Variants in NR1I3 observed in about 807,000 individuals in gnomAD.
NR1I3 encodes constitutive activator of retinoid response.
A neutral mutation model predicts 38.4 loss-of-function variants in NR1I3; 30 were observed. That is an observed-to-expected ratio of 0.78 (90% confidence interval 0.58 to 1.06). NR1I3 has a LOEUF of 1.06. Among genes scored for constraint, NR1I3 ranks in the 50% least tolerant of loss-of-function variants. The pLI, the probability that NR1I3 is intolerant of heterozygous loss-of-function variation, is 0.00. For missense variants in NR1I3, 388 were observed against 435.7 expected (o/e 0.89, Z 0.97); for synonymous variants, 143 against 165.1 (o/e 0.87, Z 1.03).
chr1:161,232,814 C>T lies in NR1I3; in HGVS notation c.541G>A (p.Val181Ile), dbSNP rs143067018. Residue 181 changes from valine (V) to isoleucine (I), a missense_variant, in exon 5 of 9, where the codon GTC becomes ATC. Val to Ile is a conservative substitution (Grantham distance 29). Transcript: ENST00000367983. Reference sequence around the variant, plus strand: ...TGAGGGGAGGTCACTCACCGGAAGACGGGCAGGTCCTTAGTAAACTTGATG... The same window carrying T: ...TGAGGGGAGGTCACTCACCGGAAGATGGGCAGGTCCTTAGTAAACTTGATG... ...QVIKFTKDLPVFRSLPIEDQI... is the reference protein window; with the variant it reads ...QVIKFTKDLPIFRSLPIEDQI... The T allele has an allele frequency of 5.2e-5, 84 of 1,614,046 alleles. 1 individual carries two copies. The highest frequency in any genetic ancestry group is 4.0e-4 in the African/African-American group (30 of 74,942).
At chr1:161,234,096 A>C (rs1410205486) in intron 3 of NR1I3, among the ~76,000 whole-genome samples, 1 of 151,382 alleles carries the variant, frequency 6.6e-6, no homozygotes, top group East Asian at 1.9e-4. Flanking sequence ...GGTTCAAGCA[A>C]TTCTCCCTGC....
chr1:161,236,086 G>A, intron 2 of NR1I3, 109 bp from the exon 3 acceptor site: 1 of 1,331,130 alleles, frequency 7.5e-7, no homozygotes, highest in Non-Finnish European at 1.0e-6. Context: ...ACTAATCTGA[G>A]CTGTGCCCAA....
At position 161,235,768 on chromosome 1, in the gene NR1I3, T is replaced by C. The variant is rs1055217728; in HGVS notation, c.238+79A>G. 6 of 1,580,230 alleles carry C rather than the reference T, an allele frequency of 3.8e-6. No homozygotes were observed. In the African/African-American group the frequency reaches 8.1e-5, roughly 21 times the overall value. ...TTCAAAAAGAGTACTGTGCCTGCTA[T>C]GTAGAGAATGCACTGTTGGGAACAA... On this transcript the variant is annotated intron_variant, in intron 3 of 8. Transcript: ENST00000367983.
rs1558127016 is a variant in NR1I3, at chr1:161,236,598, C to T, written c.-33G>A. The T allele has an allele frequency of 6.2e-7, 1 of 1,613,278 alleles. No individual in the cohort carries two copies. Among genetic ancestry groups the T allele is most frequent in the East Asian group, 2.2e-5 (1 of 44,874 alleles). On this transcript the variant is annotated splice_region_variant and 5_prime_UTR_variant, in exon 2 of 9. Transcript: ENST00000367983. Reference sequence around the variant, plus strand: ...CGTGTTGGGGTGGCTGTCACAGACTCCTGAATGTAGGAGGGGTCAGCAGTC... The same window carrying T: ...CGTGTTGGGGTGGCTGTCACAGACTTCTGAATGTAGGAGGGGTCAGCAGTC...
chr1:161,236,240 C>T (rs1668585706), intron 2 of NR1I3: 2 of 655,582 alleles, frequency 3.1e-6, no homozygotes, highest in South Asian at 3.9e-5. Flanking sequence ...GACTAATGGG[C>T]TGTGTCCATC....
At chr1:161,235,256 G>GTTTCTTTTTTTT (rs1327197737) in intron 3 of NR1I3, 1 of 80,148 alleles carries the variant, frequency 1.2e-5, no homozygotes, top group Non-Finnish European at 2.2e-5. Flanking sequence ...TGCGCTTGGT[G>GTTTCTTTTTTTT]TTTTTTTTTT....
intron 3 of NR1I3, chr1:161,235,247 G>C (rs1389624841): frequency 6.9e-6 from 1 of 143,986 alleles, no homozygotes; most frequent in Non-Finnish European, 1.5e-5. Flanking sequence ...GGGGAAGAGT[G>C]CGCTTGGTGT....
At position 161,229,840 on chromosome 1, in the gene NR1I3, C is replaced by T. The variant is rs1384340586; in HGVS notation, c.1004G>A (p.Gly335Asp). ...AYGYQIQHIQGLSAMMPLLQE... is the reference protein window; with the variant it reads ...AYGYQIQHIQDLSAMMPLLQE... ...GAGCAGCGGCATCATGGCAGACAGGCCCTGGATGTGCTGGATTTGGTACCC... is the reference window on the plus strand; with the variant it reads ...GAGCAGCGGCATCATGGCAGACAGGTCCTGGATGTGCTGGATTTGGTACCC... Residue 335 changes from glycine (G) to aspartate (D), a missense_variant, in exon 9 of 9, where the codon GGC becomes GAC. Coordinates refer to ENST00000367983, the MANE Select transcript of NR1I3 (RefSeq NM_005122.5). 1.9e-6 allele frequency: 3 copies of T among 1,614,090 alleles called. No individual in the cohort carries two copies. Among genetic ancestry groups the T allele is most frequent in the Admixed American group, 3.3e-5 (2 of 59,996 alleles).
chr1:161,231,222 C>T lies in NR1I3; in HGVS notation c.706G>A (p.Val236Ile), dbSNP rs1380939125. 1 of 1,614,128 alleles carries T rather than the reference C, an allele frequency of 6.2e-7. No homozygotes were observed. Among genetic ancestry groups the T allele is most frequent in the Admixed American group, 1.7e-5 (1 of 60,012 alleles). ...TGAAAGAGCAACTCCAAAAACTCTA[C>T]CTGGAACCCCACTGTGGGAGATACT... ...IEDGARVGFQ[V>I]EFLELLFHFH... Residue 236 changes from valine to isoleucine, a missense_variant, in exon 7 of 9, where the codon GTA (valine) becomes ATA (isoleucine). Transcript: ENST00000367983.
chr1:161,237,890 C>A (rs1668915194), intron 1 of NR1I3, 151 bp downstream of exon 1: 5 of 705,506 alleles, frequency 7.1e-6, no homozygotes, highest in Non-Finnish European at 1.3e-5. Context: ...TGTTATGTAA[C>A]CCAGGTTGGT....
chr1:161,238,088 T>C lies in NR1I3; in HGVS notation c.-81A>G. 1.2e-6 allele frequency: 2 copies of C among 1,613,794 alleles called. No individual in the cohort carries two copies. Among genetic ancestry groups the C allele is most frequent in the African/African-American group, 1.3e-5 (1 of 75,064 alleles). ...CACCTGCAGGCCACAGAATCTGGTA[T>C]GGAATGCCTCTCCCCAAACTCCCAC... is the stretch of plus-strand genomic sequence containing the variant. On this transcript the variant is annotated 5_prime_UTR_variant, in exon 1 of 9. Transcript: ENST00000367983.
chr1:161,233,045 C>T, intron 4 of NR1I3, 99 bp from the exon 5 acceptor site: 1 of 1,580,788 alleles, frequency 6.3e-7, no homozygotes, highest in South Asian at 1.1e-5. Flanking sequence ...GAGAAGCCTG[C>T]TCAGGCTGGG....
rs768982496 is a variant in NR1I3 at position 161,230,892 on chromosome 1, C to A, written c.838G>T (p.Glu280Ter). 3 of 1,614,162 alleles carry A rather than the reference C, an allele frequency of 1.9e-6. No individual in the cohort carries two copies. In the East Asian group the frequency reaches 6.7e-5, roughly 36 times the overall value. ...PDRPGVTQRD[E>*]IDQLQEEMAL... is the part of the protein sequence containing the mutation. Reference sequence around the variant, plus strand: ...ATCTCCTCTTGCAGCTGATCAATCTCATCTCTCTGGGTAACTCCAGGTCGG... The same window carrying A: ...ATCTCCTCTTGCAGCTGATCAATCTAATCTCTCTGGGTAACTCCAGGTCGG... The change falls in exon 8 of 9, where the codon GAG (glutamate) becomes TAG (stop). Residue 280 changes from glutamate (E) to a stop codon, truncating the protein, a stop_gained. Coordinates refer to ENST00000367983, the MANE Select transcript of NR1I3 (RefSeq NM_005122.5). LOFTEE classifies it high-confidence loss of function.
chr1:161,230,012 A>G, intron 8 of NR1I3, 86 bp from the exon 9 acceptor site: 7 of 1,505,784 alleles, frequency 4.6e-6, no homozygotes, highest in Non-Finnish European at 4.6e-6. Flanking sequence ...GATCCCCTGA[A>G]CTATTCCTCA....
At chr1:161,231,638 T>A (rs944299810) in intron 5 of NR1I3, among the ~76,000 whole-genome samples, 164 bp from the exon 6 acceptor site, 6 of 151,986 alleles carry the variant, frequency 3.9e-5, no homozygotes, top group African/African-American at 1.5e-4. Context: ...GTAGCTTGGA[T>A]TACAGGCGTG....
intron 5 of NR1I3, 51 bp from the exon 6 acceptor site, chr1:161,231,525 C>G: frequency 6.4e-7 from 1 of 1,559,956 alleles, no homozygotes; most frequent in Non-Finnish European, 8.6e-7. Flanking sequence ...TTTTCTGAGA[C>G]AGAGTCTCAC....
Position 161,236,456 on chromosome 1 carries a change from C to CAG in NR1I3, c.107+2_107+3insCT. 1 of 1,614,100 alleles carries CAG rather than the reference C, an allele frequency of 6.2e-7. No individual in the cohort carries two copies. Among genetic ancestry groups the CAG allele is most frequent in the Non-Finnish European group, 8.5e-7 (1 of 1,180,002 alleles). On this transcript the variant is annotated splice_region_variant and intron_variant, in intron 2 of 8. Transcript: ENST00000367983. ...CTATTTCCATTGGGGAGGAGACTCTCACCTGAAGAAACCCTTGCAGCCCTC... is the reference window on the plus strand; with the variant it reads ...CTATTTCCATTGGGGAGGAGACTCTCAGACCTGAAGAAACCCTTGCAGCCCTC...
At position 161,230,808 on chromosome 1, in the gene NR1I3, C is replaced by T. The variant is rs528037258; in HGVS notation, c.917+5G>A. 6.1e-5 allele frequency: 98 copies of T among 1,614,066 alleles called. 1 individual carries two copies. The highest frequency in any genetic ancestry group is 4.8e-4 in the South Asian group (44 of 91,082). On this transcript the variant is annotated splice_donor_5th_base_variant and intron_variant, in intron 8 of 8. Transcript: ENST00000367983. ...GGCCTCCAAGCCCTCAGTGTCCCAC[C>T]GTACCGATCCCGGGGCCTTCGCTGC...
chr1:161,237,981 G>A (rs960265660), intron 1 of NR1I3, 60 bp downstream of exon 1: 3 of 1,508,538 alleles, frequency 2.0e-6, no homozygotes, highest in Non-Finnish European at 1.8e-6. Context: ...ACTATGCCTA[G>A]CCCCCAGCAT....
Sources: allele counts gnomAD v4.1 joint callset (sites outside exome capture counted in the v4.1 genomes callset), GRCh38; gene constraint gnomAD v4.1.1; transcripts MANE v1.5; gene names NCBI Gene and HGNC (gene_info 2026-07-23, HGNC 2026-07-21).